The following RGPD4 variants were observed in gnomAD, a reference collection of about 807,000 sequenced individuals.
RGPD4 encodes the protein ranBP2-like and GRIP domain-containing protein 4.
A neutral mutation model predicts 141.1 loss-of-function variants in RGPD4; 84 were observed. That is an observed-to-expected ratio of 0.60 (90% confidence interval 0.50 to 0.71). The LOEUF is 0.71. Ranked by LOEUF, RGPD4 falls within the 30% of genes least tolerant of loss-of-function variation. The pLI is 0.00. For missense variants in RGPD4, 918 were observed against 1,622.4 expected, an observed-to-expected ratio of 0.57 and a Z score of 7.46; for synonymous variants, 298 against 566.8, an observed-to-expected ratio of 0.53 and a Z score of 6.74.
chr2:107,881,264 A>G (rs972467871), intron 21 of RGPD4, among the ~76,000 whole-genome samples: 6 of 150,522 alleles, frequency 4.0e-5, no homozygotes, highest in Admixed American at 2.7e-4. Context: ...AAACATTATC[A>G]TAGCTAACAA....
At chr2:107,857,402 G>C (rs1055745933) in intron 9 of RGPD4, among the ~76,000 whole-genome samples, 3 of 149,656 alleles carry the variant, frequency 2.0e-5, no homozygotes, top group South Asian at 2.1e-4. Flanking sequence ...GCCTCCCAAA[G>C]TGCTGGGATT....
intron 9 of RGPD4, among the ~76,000 whole-genome samples, chr2:107,857,191 G>T (rs1356337069): frequency 1.3e-5 from 2 of 150,246 alleles, no homozygotes; most frequent in Non-Finnish European, 2.9e-5. Context: ...ATGCTGGAGT[G>T]CAGTGGTGCG....
chr2:107,827,592 G>C (rs1396618682), intron 1 of RGPD4, among the ~76,000 whole-genome samples: 1 of 58,986 alleles, frequency 1.7e-5, no homozygotes, highest in African/African-American at 8.6e-5. Context: ...CGGCGGCCTC[G>C]ACCTGGCCCG....
At chr2:107,844,187 C>G (rs1053211090) in intron 6 of RGPD4, among the ~76,000 whole-genome samples, 3 of 151,968 alleles carry the variant, frequency 2.0e-5, no homozygotes, top group African/African-American at 7.2e-5. Flanking sequence ...AATAACTCAA[C>G]TATGTGATTT....
intron 6 of RGPD4, among the ~76,000 whole-genome samples, chr2:107,847,856 T>A (rs1178322639): frequency 2.4e-5 from 3 of 122,670 alleles, no homozygotes; most frequent in Non-Finnish European, 3.4e-5. Flanking sequence ...GACAATTTAT[T>A]TAATGCTGTA....
rs552775633 is a variant in RGPD4 at position 107,869,186 on chromosome 2, C to T, written c.2606-697C>T. On this transcript the variant is annotated intron_variant, in intron 18 of 22. Transcript: ENST00000408999. ...TCTTCCATGTACAGGCATGAAAGATCTTTTGGTTGTTTTCTGGTAAAACTA... is the reference window on the plus strand; with the variant it reads ...TCTTCCATGTACAGGCATGAAAGATTTTTTGGTTGTTTTCTGGTAAAACTA... 2.9e-5 allele frequency among the ~76,000 whole-genome samples: 2 copies of T among 69,202 alleles called. 1 individual carries two copies. The highest frequency in any genetic ancestry group is 6.4e-5 in the Non-Finnish European group (2 of 31,156). 45.4% of individuals were successfully genotyped at this position (69,202 alleles called of 152,430 possible).
At chr2:107,835,617 G>A (rs1390427137) in intron 1 of RGPD4, among the ~76,000 whole-genome samples, 2 of 151,500 alleles carry the variant, frequency 1.3e-5, no homozygotes, top group Non-Finnish European at 2.9e-5. Flanking sequence ...GGTAGGAGAA[G>A]AGATTTCTGG....
chr2:107,883,481 T>A (rs996891987), intron 22 of RGPD4, among the ~76,000 whole-genome samples: 7 of 151,076 alleles, frequency 4.6e-5, no homozygotes, highest in African/African-American at 1.5e-4. Context: ...AATACAAAAA[T>A]TAGCTGGACG....
intron 9 of RGPD4, among the ~76,000 whole-genome samples, chr2:107,858,475 G>C (rs1682415962): frequency 7.0e-6 from 1 of 142,992 alleles, no homozygotes; most frequent in African/African-American, 2.8e-5. Context: ...GTCTCACTCT[G>C]TCACCCAGGC....
At chr2:107,881,261 A>G (rs1675354734) in intron 21 of RGPD4, among the ~76,000 whole-genome samples, 2 of 150,568 alleles carry the variant, frequency 1.3e-5, no homozygotes, top group Non-Finnish European at 3.0e-5. Context: ...TAAAAACATT[A>G]TCATAGCTAA....
In RGPD4 at chr2:107,872,626, T is replaced by G. The variant is rs762177018; in HGVS notation, c.4622T>G (p.Phe1541Cys). 33 of 1,606,570 alleles carry G rather than the reference T, an allele frequency of 2.1e-5. No individual in the cohort carries two copies. The highest frequency in any genetic ancestry group is 2.2e-5 in the Non-Finnish European group (26 of 1,178,488). Residue 1541 changes from phenylalanine to cysteine, a missense_variant, in exon 20 of 23, where the codon TTT (phenylalanine) becomes TGT (cysteine). Transcript: ENST00000408999. ...GTGGTTTCTCCTCCAAAGTTTGTAT[T>G]TGGTTCAGAGTCTGTTAAAAGAATT... The part of the protein sequence containing the change: ...KAVVSPPKFV[F>C]GSESVKRIFS...
At position 107,872,062 on chromosome 2, in the gene RGPD4, A is replaced by T. The variant is rs1231208185; in HGVS notation, c.4058A>T (p.Asn1353Ile). ...DLVEVSSGEE[N>I]EKVVFSHRAE... ...GTTGAAGTATCCAGTGGTGAGGAAAATGAAAAAGTTGTTTTTAGTCACAGG... is the reference window on the plus strand; with the variant it reads ...GTTGAAGTATCCAGTGGTGAGGAAATTGAAAAAGTTGTTTTTAGTCACAGG... Residue 1353 changes from asparagine (N) to isoleucine (I), a missense_variant, in exon 20 of 23, where the codon AAT becomes ATT. Asn to Ile is a moderately radical substitution (Grantham distance 149, BLOSUM62 -3). Coordinates refer to ENST00000408999, the MANE Select transcript of RGPD4 (RefSeq NM_182588.3). The T allele has an allele frequency of 2.5e-6, 4 of 1,611,526 alleles. No homozygotes were observed. The Admixed American group carries it at 6.7e-5, about 27-fold the overall frequency.
chr2:107,831,302 C>G (rs1296675341), intron 1 of RGPD4, among the ~76,000 whole-genome samples: 3 of 149,018 alleles, frequency 2.0e-5, no homozygotes, highest in Non-Finnish European at 3.0e-5. Context: ...ATTCCTACTT[C>G]TCAAAGTCTA....
chr2:107,878,526 T>A (rs1270833163), intron 20 of RGPD4, among the ~76,000 whole-genome samples: 1 of 151,656 alleles, frequency 6.6e-6, no homozygotes, highest in Non-Finnish European at 1.5e-5. Context: ...TTAATTTCAC[T>A]GTCTTATTTA....
intron 20 of RGPD4, among the ~76,000 whole-genome samples, chr2:107,875,180 A>C (rs74380755): frequency 1.7e-5 from 1 of 59,748 alleles, no homozygotes; most frequent in Non-Finnish European, 3.8e-5. Context: ...TAAATACATA[A>C]CTAAATAAAT....
rs2104458661 is a variant in RGPD4 at position 107,859,465 on chromosome 2, C to T, written c.1545C>T (p.Cys515=). ...ACCACAGCTCCTATCAGCCGTTATG[C>T]CTGCCCCTTCCTGTATGTAAACAGC... ...NSHHSSYQPL[C]LPLPVCKQLC... The change falls in exon 11 of 23, where the codon TGC becomes TGT. Residue 515 remains cysteine, a synonymous_variant. Transcript: ENST00000408999. 2 of 1,611,140 alleles carry T rather than the reference C, an allele frequency of 1.2e-6. No individual in the cohort carries two copies. The highest frequency in any genetic ancestry group is 1.7e-6 in the Non-Finnish European group (2 of 1,179,822).
intron 1 of RGPD4, among the ~76,000 whole-genome samples, chr2:107,833,719 A>G (rs1181490965): frequency 5.3e-5 from 8 of 151,662 alleles, no homozygotes; most frequent in East Asian, 1.9e-4. Context: ...TTGGCATTGT[A>G]CCTTGAATCT....
intron 1 of RGPD4, among the ~76,000 whole-genome samples, chr2:107,834,036 C>T (rs1681588210): frequency 6.6e-6 from 1 of 150,940 alleles, no homozygotes; most frequent in Non-Finnish European, 1.5e-5. Context: ...GGGAACAAGC[C>T]TTGTTCCTAT....
At chr2:107,834,645 G>A (rs541901438) in intron 1 of RGPD4, among the ~76,000 whole-genome samples, 98 of 150,662 alleles carry the variant, frequency 6.5e-4, no homozygotes, top group African/African-American at 2.3e-3. Flanking sequence ...CAAGAGTAGC[G>A]ATGCTGGCAG....
Sources: allele counts gnomAD v4.1 joint callset (sites outside exome capture counted in the v4.1 genomes callset), GRCh38; gene constraint gnomAD v4.1.1; transcripts MANE v1.5; gene names NCBI Gene and HGNC (gene_info 2026-07-23, HGNC 2026-07-21).